The following TNIK variants were observed in gnomAD, a reference collection of about 807,000 sequenced individuals.
TNIK encodes TRAF2 and NCK interacting kinase.
In TNIK, 49 loss-of-function variants were observed where a neutral mutation model predicts 191.3. The observed-to-expected ratio is 0.26, with a 90% CI of 0.20 to 0.32. The LOEUF (loss-of-function observed/expected upper bound fraction) is 0.32. TNIK is among the 10% of genes least tolerant of loss of function. The probability of loss-of-function intolerance (pLI) is 1.00; values close to 1 mark genes in which losing one functional copy is unlikely to be tolerated. For missense variants in TNIK, 1,155 were observed against 1,702.3 expected (o/e 0.68, Z 5.66); for synonymous variants, 594 against 600.9 (o/e 0.99, Z 0.17).
At chr3:171,093,288 TA>T (rs544352515) in intron 23 of TNIK, among the ~76,000 whole-genome samples, 3 of 151,882 alleles carry the variant, frequency 2.0e-5, no homozygotes, top group Non-Finnish European at 2.9e-5. Flanking sequence ...TCCTAGAGTT[TA>T]AAAAAAAATT....
chr3:171,217,804 G>A (rs916808143), intron 3 of TNIK, among the ~76,000 whole-genome samples: 4 of 152,104 alleles, frequency 2.6e-5, no homozygotes, highest in Non-Finnish European at 4.4e-5. Flanking sequence ...TTTAAGCTGA[G>A]TTTTTAAGGC....
intron 2 of TNIK, among the ~76,000 whole-genome samples, chr3:171,259,955 G>A (rs1402994903): frequency 1.3e-5 from 2 of 152,104 alleles, no homozygotes; most frequent in Non-Finnish European, 2.9e-5. Flanking sequence ...CCAACCTTTA[G>A]TTAGCCTTCT....
At chr3:171,432,158 A>T (rs1383504067) in intron 1 of TNIK, among the ~76,000 whole-genome samples, 1 of 152,226 alleles carries the variant, frequency 6.6e-6, no homozygotes, top group Admixed American at 6.5e-5. Flanking sequence ...AAAGAATACA[A>T]GGAAGCCTAA....
At chr3:171,337,811 G>A (rs1016242703) in intron 2 of TNIK, among the ~76,000 whole-genome samples, 2 of 152,172 alleles carry the variant, frequency 1.3e-5, no homozygotes, top group Non-Finnish European at 2.9e-5. Flanking sequence ...AGATTTTCAG[G>A]AGGCAGAAAA....
chr3:171,354,378 C>T (rs778966011), intron 2 of TNIK, among the ~76,000 whole-genome samples: 1 of 152,144 alleles, frequency 6.6e-6, no homozygotes, highest in Non-Finnish European at 1.5e-5. Context: ...TGAGCTGGTC[C>T]ACTACCTGAG....
chr3:171,241,406 TCA>T (rs1243380624), intron 2 of TNIK, among the ~76,000 whole-genome samples: 1 of 152,200 alleles, frequency 6.6e-6, no homozygotes, highest in Non-Finnish European at 1.5e-5. Context: ...AAACTGAGGC[TCA>T]AAAAACCCAA....
intron 2 of TNIK, among the ~76,000 whole-genome samples, chr3:171,359,846 A>C (rs770478436): frequency 6.6e-6 from 1 of 152,208 alleles, no homozygotes; most frequent in African/African-American, 2.4e-5. Context: ...AGAGCCCTAA[A>C]TTCTGTGCCT....
chr3:171,274,457 C>G (rs1749477860), intron 2 of TNIK, among the ~76,000 whole-genome samples: 1 of 152,166 alleles, frequency 6.6e-6, no homozygotes. Flanking sequence ...AAGATATCTT[C>G]TACAGCCCCT....
chr3:171,072,557 G>T (rs989910677), intron 28 of TNIK, among the ~76,000 whole-genome samples: 11 of 151,866 alleles, frequency 7.2e-5, no homozygotes, highest in African/African-American at 2.7e-4. Context: ...CACTCCTATA[G>T]TATTGGAAGT....
rs565737869 is a variant in TNIK at position 171,180,666 on chromosome 3, C to T, written c.640-3286G>A. Among the ~76,000 whole-genome samples, 4 of 152,310 alleles carry T rather than the reference C, an allele frequency of 2.6e-5. No homozygotes were observed. The South Asian group carries it at 8.3e-4, about 32-fold the overall frequency. On this transcript the variant is annotated intron_variant, in intron 7 of 32. Transcript: ENST00000436636. ...GCAGATCACCTAGCCAAACCTTTCA[C>T]TTCACAAATGAGGGAACATGACTTA...
At chr3:171,249,547 C>T (rs945036279) in intron 2 of TNIK, among the ~76,000 whole-genome samples, 2 of 152,164 alleles carry the variant, frequency 1.3e-5, no homozygotes, top group African/African-American at 2.4e-5. Flanking sequence ...CAGTCCTGGG[C>T]AGCCCTTAGG....
intron 4 of TNIK, among the ~76,000 whole-genome samples, chr3:171,204,680 C>G (rs1739843362): frequency 6.6e-6 from 1 of 152,156 alleles, no homozygotes; most frequent in Admixed American, 6.5e-5. Flanking sequence ...TTATTAGTAG[C>G]TAACAGGTCT....
At chr3:171,347,220 T>TTAA (rs1577571609) in intron 2 of TNIK, 2 of 1,381,662 alleles carry the variant, frequency 1.4e-6, no homozygotes, top group South Asian at 1.4e-5. Flanking sequence ...GTTCATTTGC[T>TTAA]GAAAAAAAAA....
chr3:171,147,142 C>T (rs370333122), intron 12 of TNIK, among the ~76,000 whole-genome samples: 17 of 152,238 alleles, frequency 1.1e-4, no homozygotes, highest in South Asian at 2.1e-4. Flanking sequence ...CTCCTGAAAG[C>T]GGTGAGAGGA....
At chr3:171,439,401 C>G (rs1457049419) in intron 1 of TNIK, 2 of 151,560 alleles carry the variant, frequency 1.3e-5, no homozygotes, top group Non-Finnish European at 1.5e-5. Context: ...AAAACTGGCT[C>G]CATCATTTTC....
intron 2 of TNIK, among the ~76,000 whole-genome samples, chr3:171,325,533 T>C (rs1336127375): frequency 6.6e-6 from 1 of 152,164 alleles, no homozygotes; most frequent in Admixed American, 6.5e-5. Context: ...TATCTGAAAT[T>C]CAAATGTTCA....
At chr3:171,199,213 A>G (rs1739099189) in intron 4 of TNIK, among the ~76,000 whole-genome samples, 1 of 151,668 alleles carries the variant, frequency 6.6e-6, no homozygotes. Flanking sequence ...TTTAAAAAAA[A>G]AAAAGAAAAA....
chr3:171,080,529 T>A (rs775295073), intron 27 of TNIK, among the ~76,000 whole-genome samples: 4 of 151,996 alleles, frequency 2.6e-5, no homozygotes, highest in Non-Finnish European at 5.9e-5. Flanking sequence ...CTCTGCTTCC[T>A]GGGTTCAAGC....
intron 1 of TNIK, among the ~76,000 whole-genome samples, chr3:171,380,159 A>T (rs1717847101): frequency 6.6e-6 from 1 of 152,086 alleles, no homozygotes; most frequent in African/African-American, 2.4e-5. Context: ...TGCAGAGATT[A>T]TACAGCTGTT....
Sources: allele counts gnomAD v4.1 joint callset (sites outside exome capture counted in the v4.1 genomes callset), GRCh38; gene constraint gnomAD v4.1.1; transcripts MANE v1.5; gene names NCBI Gene and HGNC (gene_info 2026-07-23, HGNC 2026-07-21).